Variants in MAPK6 observed in about 807,000 individuals in gnomAD.
MAPK6 encodes mitogen-activated protein kinase 6.
Under a neutral mutation model 59.3 loss-of-function variants are expected in MAPK6, and 19 were observed. The ratio of observed to expected loss-of-function variants is 0.32; its 90% CI spans 0.22 to 0.47. The LOEUF (loss-of-function observed/expected upper bound fraction) is 0.47. Among genes scored for constraint, MAPK6 ranks in the 20% least tolerant of loss-of-function variants. The pLI, the probability that MAPK6 is intolerant of heterozygous loss-of-function variation, is 1.00. For missense variants in MAPK6, 724 were observed against 847.9 expected (o/e 0.85, Z 1.81); for synonymous variants, 316 against 290.3 (o/e 1.09, Z -0.90).
At chr15:52,019,607 CGCGG>C (rs1054713800) in intron 1 of MAPK6, among the ~76,000 whole-genome samples, 1 of 146,146 alleles carries the variant, frequency 6.8e-6, no homozygotes, top group African/African-American at 2.4e-5. Flanking sequence ...CGCGTCCCCG[CGCGG>C]GCGGGCGGGC....
intron 1 of MAPK6, among the ~76,000 whole-genome samples, chr15:52,037,362 G>T (rs139520268): frequency 6.6e-6 from 1 of 152,290 alleles, no homozygotes; most frequent in East Asian, 1.9e-4. Context: ...AAAAACAACA[G>T]CAGTCACGTT....
intron 1 of MAPK6, among the ~76,000 whole-genome samples, chr15:51,978,449 C>A (rs916821709): frequency 6.6e-6 from 1 of 151,860 alleles, no homozygotes; most frequent in Non-Finnish European, 1.5e-5. Flanking sequence ...AAAGGTAATA[C>A]GGTATCTAAA....
intron 1 of MAPK6, among the ~76,000 whole-genome samples, chr15:51,982,206 A>G (rs1326459874): frequency 6.6e-6 from 1 of 152,198 alleles, no homozygotes; most frequent in Non-Finnish European, 1.5e-5. Flanking sequence ...CTTTCACTGG[A>G]TTTCCTTATC....
Position 52,019,254 on chromosome 15 carries a change from G to A in MAPK6, c.-754G>A, listed in dbSNP as rs532232218. 6.6e-6 allele frequency: 1 copy of A among 152,214 alleles called. No individual in the cohort carries two copies. The highest frequency in any genetic ancestry group is 1.5e-5 in the Non-Finnish European group (1 of 68,012). The allele number at this position is 152,214 out of a possible 1,614,324, so 9.4% of individuals were successfully genotyped here. ...CTCTCTCGCGGGTCGGGGTTACATG[G>A]CGGCGACTGCGGCAAAGCGAGAGCC... On this transcript the variant is annotated 5_prime_UTR_variant, in exon 1 of 6. Transcript: ENST00000261845.
intron 2 of MAPK6, among the ~76,000 whole-genome samples, chr15:52,001,705 C>T (rs2057242534): frequency 1.3e-5 from 2 of 152,066 alleles, no homozygotes; most frequent in African/African-American, 4.8e-5. Flanking sequence ...GACAGGGTTT[C>T]ACCATGTTGG....
At chr15:52,028,797 T>C (rs917763084) in intron 1 of MAPK6, among the ~76,000 whole-genome samples, 9 of 152,194 alleles carry the variant, frequency 5.9e-5, no homozygotes, top group African/African-American at 1.9e-4. Flanking sequence ...TTTTCAAAAG[T>C]TGTCTTTTTG....
intron 2 of MAPK6, among the ~76,000 whole-genome samples, chr15:51,997,470 C>A (rs143494502): frequency 0.018 from 2,679 of 151,752 alleles, 78 homozygotes; most frequent in African/African-American, 0.061. Flanking sequence ...ATTGGCCAGG[C>A]TGGTCTCGAA....
intron 1 of MAPK6, among the ~76,000 whole-genome samples, chr15:51,982,832 TG>T (rs1328232759): frequency 1.3e-5 from 2 of 152,228 alleles, no homozygotes; most frequent in African/African-American, 4.8e-5. Flanking sequence ...AATTTTTTCT[TG>T]GGCTCCATAA....
At chr15:52,062,067 ATTTTT>A (rs59641315) in intron 5 of MAPK6, among the ~76,000 whole-genome samples, 6 of 137,510 alleles carry the variant, frequency 4.4e-5, no homozygotes, top group Non-Finnish European at 7.9e-5. Flanking sequence ...TAGATGCAGG[ATTTTT>A]TTTTTTTTTT....
intron 1 of MAPK6, among the ~76,000 whole-genome samples, chr15:52,022,982 C>G (rs112783900): frequency 6.6e-6 from 1 of 151,792 alleles, no homozygotes; most frequent in South Asian, 2.1e-4. Context: ...TGGCACGTGC[C>G]TGTAATCCCA....
chr15:52,031,306 C>A (rs4491448), intron 1 of MAPK6, among the ~76,000 whole-genome samples: 2 of 152,108 alleles, frequency 1.3e-5, no homozygotes, highest in Admixed American at 1.3e-4. Context: ...ATGTACTATA[C>A]TTGTCAATAA....
At chr15:51,976,692 C>T (rs968268654) in intron 1 of MAPK6, among the ~76,000 whole-genome samples, 6 of 151,758 alleles carry the variant, frequency 4.0e-5, no homozygotes, top group African/African-American at 1.4e-4. Flanking sequence ...CACCTATAAT[C>T]TCAGCACGTT....
chr15:52,011,647 A>G (rs1034973179), intron 3 of MAPK6, among the ~76,000 whole-genome samples: 2 of 152,224 alleles, frequency 1.3e-5, no homozygotes, highest in Non-Finnish European at 2.9e-5. Context: ...AGAGGTTTGC[A>G]GGAACCTAGC....
At chr15:52,020,186 G>A (rs1228628204) in intron 1 of MAPK6, among the ~76,000 whole-genome samples, 3 of 152,258 alleles carry the variant, frequency 2.0e-5, no homozygotes, top group African/African-American at 7.2e-5. Flanking sequence ...TCACTTTGCT[G>A]TGCATTTTAG....
intron 1 of MAPK6, among the ~76,000 whole-genome samples, chr15:52,033,411 T>G (rs144975188): frequency 1.3e-5 from 2 of 152,310 alleles, no homozygotes; most frequent in East Asian, 3.9e-4. Context: ...GCTGGCTTGC[T>G]AAGTCTTTTG....
rs376638037 is a variant in MAPK6 at position 52,064,558 on chromosome 15, A to G, written c.1724A>G (p.Gln575Arg). The G allele has an allele frequency of 6.2e-7, 1 of 1,611,596 alleles. No homozygotes were observed. The highest frequency in any genetic ancestry group is 8.5e-7 in the Non-Finnish European group (1 of 1,179,696). The change falls in exon 6 of 6, where the codon CAG becomes CGG. Residue 575 changes from glutamine to arginine, a missense_variant. Physicochemically the swap from Gln to Arg is conservative, Grantham distance 43. Coordinates refer to ENST00000261845, the MANE Select transcript of MAPK6 (RefSeq NM_002748.4). ...LISKSVSQEK[Q>R]EKGMANLAQL... The stretch of plus-strand genomic sequence containing the variant: ...TCAAAGTCAGTAAGCCAAGAAAAAC[A>G]GGAAAAAGGAATGGCAAATCTGGCT...
At position 52,066,835 on chromosome 15, in the gene MAPK6, G is replaced by A. The variant is rs1179445962; in HGVS notation, c.*1835G>A. On this transcript the variant is annotated 3_prime_UTR_variant, in exon 6 of 6. Coordinates refer to ENST00000261845, the MANE Select transcript of MAPK6 (RefSeq NM_002748.4). ...TTATTTTCTGGTTGAATACTGTCACGTTATTAATTTAAACATACTCAAATT... is the reference window on the plus strand; with the variant it reads ...TTATTTTCTGGTTGAATACTGTCACATTATTAATTTAAACATACTCAAATT... 2.7e-5 allele frequency: 4 copies of A among 150,542 alleles called. No individual in the cohort carries two copies. The highest frequency in any genetic ancestry group is 4.4e-5 in the Non-Finnish European group (3 of 67,728). The allele number at this position is 150,542 out of a possible 1,614,324, so 9.3% of individuals were successfully genotyped here. A position where few individuals can be genotyped will look rare whatever the true frequency, so the allele number is the denominator to read the frequency against.
intron 3 of MAPK6, among the ~76,000 whole-genome samples, chr15:52,052,189 G>C (rs1483534678): frequency 2.6e-5 from 4 of 152,162 alleles, no homozygotes; most frequent in Admixed American, 2.6e-4. Flanking sequence ...ATGTTGGTAA[G>C]GGCAGCAGTT....
At chr15:52,043,789 C>T (rs1174917211) in intron 1 of MAPK6, among the ~76,000 whole-genome samples, 32 of 98,832 alleles carry the variant, frequency 3.2e-4, no homozygotes, top group African/African-American at 8.6e-4. Context: ...GGCAGAGTCT[C>T]GCTGTGTCCC....
Sources: allele counts gnomAD v4.1 joint callset (sites outside exome capture counted in the v4.1 genomes callset), GRCh38; gene constraint gnomAD v4.1.1; transcripts MANE v1.5; gene names NCBI Gene and HGNC (gene_info 2026-07-23, HGNC 2026-07-21).